The following C3orf20 variants were observed in gnomAD, a reference collection of about 807,000 sequenced individuals.
The protein encoded by C3orf20 is family with sequence similarity 149 member C, also known as uncharacterized protein C3orf20.
C3orf20 carries 76 observed loss-of-function variants against 88.3 expected under a neutral mutation model. The ratio of observed to expected loss-of-function variants is 0.86; its 90% confidence interval spans 0.72 to 1.04. The LOEUF is 1.04. C3orf20 is among the 50% of genes least tolerant of loss of function. The probability of loss-of-function intolerance (pLI) is 0.00; values close to 1 mark genes in which losing one functional copy is unlikely to be tolerated. For missense variants in C3orf20, 1,056 were observed against 1,123.3 expected, an observed-to-expected ratio of 0.94 and a Z score of 0.86; for synonymous variants, 436 against 437.4, an observed-to-expected ratio of 1.00 and a Z score of 0.04.
intron 13 of C3orf20, among the ~76,000 whole-genome samples, chr3:14,758,566 A>G (rs1460940787): frequency 6.6e-6 from 1 of 152,190 alleles, no homozygotes; most frequent in Non-Finnish European, 1.5e-5. Context: ...GGGTGTCCAC[A>G]TGGTGACTTC....
chr3:14,732,644 G>T (rs997247456), intron 12 of C3orf20, among the ~76,000 whole-genome samples: 2 of 152,170 alleles, frequency 1.3e-5, no homozygotes, highest in Admixed American at 6.5e-5. Context: ...GGGAGGGGGT[G>T]CTACTGCCAT....
rs1411613001 is a variant in C3orf20, at chr3:14,701,289, G to A, written c.746-1841G>A. Among the ~76,000 whole-genome samples the A allele has an allele frequency of 6.6e-6, 1 of 152,116 alleles. No individual in the cohort carries two copies. Among genetic ancestry groups the A allele is most frequent in the African/African-American group, 2.4e-5 (1 of 41,420 alleles). ...CCCAGGCTTCACCAGCAGCAAGGAG[G>A]GCTCCATTCTGAGGCCCTCAGGGTT... On this transcript the variant is annotated intron_variant, in intron 5 of 16. Coordinates refer to ENST00000253697, the MANE Select transcript of C3orf20 (RefSeq NM_032137.5). This position sits in a 1 kb window ranked among gnomAD's most constrained non-coding sequence, Gnocchi z 4.6.
chr3:14,767,681 TA>T (rs2035753210), intron 15 of C3orf20, among the ~76,000 whole-genome samples: 1 of 152,226 alleles, frequency 6.6e-6, no homozygotes, highest in African/African-American at 2.4e-5. Flanking sequence ...ATGAATTCTG[TA>T]AAAGACAAAA....
chr3:14,766,462 G>T (rs1238950509), intron 15 of C3orf20, among the ~76,000 whole-genome samples: 1 of 152,208 alleles, frequency 6.6e-6, no homozygotes, highest in Non-Finnish European at 1.5e-5. Context: ...AGGCTGGGAA[G>T]AACAGCCCAG....
At chr3:14,695,090 C>A (rs2032933654) in intron 5 of C3orf20, among the ~76,000 whole-genome samples, 1 of 152,132 alleles carries the variant, frequency 6.6e-6, no homozygotes, top group Admixed American at 6.5e-5. Flanking sequence ...CATGCCTGGG[C>A]TGAAGTTTTT....
At chr3:14,700,788 G>A (rs1472664698) in intron 5 of C3orf20, among the ~76,000 whole-genome samples, 1 of 152,250 alleles carries the variant, frequency 6.6e-6, no homozygotes, top group Non-Finnish European at 1.5e-5. Flanking sequence ...TATGACATAT[G>A]TATGAATGAT....
intron 12 of C3orf20, among the ~76,000 whole-genome samples, chr3:14,742,029 A>G (rs1320529987): frequency 2.0e-5 from 3 of 152,330 alleles, no homozygotes; most frequent in Non-Finnish European, 4.4e-5. Context: ...GCTTTAGCTA[A>G]TCCTCAGTTT....
At chr3:14,766,544 C>T (rs1157345201) in intron 15 of C3orf20, among the ~76,000 whole-genome samples, 3 of 152,220 alleles carry the variant, frequency 2.0e-5, no homozygotes, top group Admixed American at 6.5e-5. Flanking sequence ...CCCCTGCCTC[C>T]GTCATCACCC....
At chr3:14,688,174 G>A (rs1263338788) in intron 4 of C3orf20, among the ~76,000 whole-genome samples, 1 of 152,054 alleles carries the variant, frequency 6.6e-6, no homozygotes, top group East Asian at 1.9e-4. Context: ...TATGTTTTTC[G>A]GGACCGTCCT....
At chr3:14,697,338 A>C (rs927744658) in intron 5 of C3orf20, among the ~76,000 whole-genome samples, 1 of 152,038 alleles carries the variant, frequency 6.6e-6, no homozygotes, top group Non-Finnish European at 1.5e-5. Context: ...GTTATTTTCT[A>C]GATCTTGTAG....
At chr3:14,739,304 A>AG in intron 12 of C3orf20, among the ~76,000 whole-genome samples, 1 of 152,178 alleles carries the variant, frequency 6.6e-6, no homozygotes, top group Non-Finnish European at 1.5e-5. Flanking sequence ...AATCTTGTAC[A>AG]TCTCCATCAG....
chr3:14,728,668 C>A lies in C3orf20; in HGVS notation c.1920C>A (p.Thr640=). The A allele has an allele frequency of 6.2e-7, 1 of 1,613,792 alleles. No homozygotes were observed. Among genetic ancestry groups the A allele is most frequent in the Non-Finnish European group, 8.5e-7 (1 of 1,180,034 alleles). Residue 640 remains threonine (T), a synonymous_variant, in exon 12 of 17, where the codon ACC becomes ACA. Transcript: ENST00000253697. ...TTCGGAAGACCACCAAAATCCACACCAAAGCCAAGGTCACATCCAGGTTGG... is the reference window on the plus strand; with the variant it reads ...TTCGGAAGACCACCAAAATCCACACAAAAGCCAAGGTCACATCCAGGTTGG... ...SPVRKTTKIH[T]KAKVTSRGKA...
rs766995153 is a variant in C3orf20, at chr3:14,689,993, C to T, written c.626-4C>T. ...AAGAAGAATCTCTCTCTCTCCCACTCCAGAGTCCCTCGCAAACATGTCCGC... is the reference window on the plus strand; with the variant it reads ...AAGAAGAATCTCTCTCTCTCCCACTTCAGAGTCCCTCGCAAACATGTCCGC... On this transcript the variant is annotated splice_polypyrimidine_tract_variant and splice_region_variant and intron_variant, in intron 4 of 16. Coordinates refer to ENST00000253697, the MANE Select transcript of C3orf20 (RefSeq NM_032137.5). The T allele has an allele frequency of 1.2e-6, 2 of 1,614,072 alleles. No individual in the cohort carries two copies. Among genetic ancestry groups the T allele is most frequent in the African/African-American group, 2.7e-5 (2 of 74,930 alleles).
At chr3:14,763,295 G>A (rs1277114050) in intron 15 of C3orf20, among the ~76,000 whole-genome samples, 1 of 152,164 alleles carries the variant, frequency 6.6e-6, no homozygotes, top group Non-Finnish European at 1.5e-5. Context: ...TCTGGAGGCT[G>A]GTAAGTCCAA....
At chr3:14,750,110 T>C (rs2035178051) in intron 12 of C3orf20, among the ~76,000 whole-genome samples, 1 of 152,234 alleles carries the variant, frequency 6.6e-6, no homozygotes, top group East Asian at 1.9e-4. Context: ...TTCAAGTTAC[T>C]GTCTAGTATC....
chr3:14,751,235 T>C (rs74282115), intron 12 of C3orf20, among the ~76,000 whole-genome samples: 4,425 of 152,338 alleles, frequency 0.029, 104 homozygotes, highest in East Asian at 0.13. Flanking sequence ...CTTTAGCTCT[T>C]TAAATATAGT....
intron 10 of C3orf20, among the ~76,000 whole-genome samples, chr3:14,723,462 A>T (rs542187701): frequency 1.3e-5 from 2 of 152,272 alleles, no homozygotes; most frequent in African/African-American, 4.8e-5. Flanking sequence ...CTGGAGATGT[A>T]GAAATAAAGA....
intron 1 of C3orf20, among the ~76,000 whole-genome samples, chr3:14,679,889 T>C (rs1292735555): frequency 6.6e-6 from 1 of 152,138 alleles, no homozygotes; most frequent in African/African-American, 2.4e-5. Flanking sequence ...AAAAAAGATA[T>C]AAAATGGCCA....
At chr3:14,715,549 A>G (rs749200075) in intron 9 of C3orf20, 140 bp downstream of exon 9, 5 of 1,182,860 alleles carry the variant, frequency 4.2e-6, no homozygotes, top group South Asian at 5.4e-5. Flanking sequence ...GGAGCTCATA[A>G]TCTCATTCAG....
Sources: allele counts gnomAD v4.1 joint callset (sites outside exome capture counted in the v4.1 genomes callset), GRCh38; gene constraint gnomAD v4.1.1; non-coding constraint Gnocchi (gnomAD v3.1); transcripts MANE v1.5; gene names NCBI Gene and HGNC (gene_info 2026-07-23, HGNC 2026-07-21).